Variants in DNAJC8 observed in about 807,000 individuals in gnomAD.
DNAJC8 encodes DnaJ heat shock protein family (Hsp40) member C8.
Under a neutral mutation model 43.2 loss-of-function variants are expected in DNAJC8, and 24 were observed. That is an observed-to-expected ratio of 0.56 (90% CI 0.40 to 0.78). DNAJC8 has a LOEUF of 0.78. DNAJC8 is among the 30% of genes least tolerant of loss of function. DNAJC8 has a pLI of 0.00. For synonymous variants in DNAJC8, 83 were observed against 98.0 expected, an observed-to-expected ratio of 0.85 and a Z score of 0.90; for missense variants, 207 against 299.4, an observed-to-expected ratio of 0.69 and a Z score of 2.28.
chr1:28,217,264 T>C (rs1047636550), intron 2 of DNAJC8, among the ~76,000 whole-genome samples: 1 of 151,976 alleles, frequency 6.6e-6, no homozygotes, highest in African/African-American at 2.4e-5. Flanking sequence ...CTTGAGCAAC[T>C]AGGACTGTAA....
intron 2 of DNAJC8, among the ~76,000 whole-genome samples, chr1:28,218,552 G>A (rs1367654732): frequency 2.0e-5 from 3 of 151,900 alleles, no homozygotes; most frequent in Admixed American, 6.6e-5. Context: ...GAGCAACTAG[G>A]ACTGTAAGTG....
At position 28,205,667 on chromosome 1, in the gene DNAJC8, C is replaced by T. The variant is rs557058006; in HGVS notation, c.472-318G>A. On this transcript the variant is annotated intron_variant, in intron 6 of 8. Coordinates refer to ENST00000263697, the MANE Select transcript of DNAJC8 (RefSeq NM_014280.3). The stretch of plus-strand genomic sequence containing the variant: ...CTTTGGAAGGCCAAGGTGGGCAGAT[C>T]ACCTGAGGCCAGGAGTTCAAGACCA... 1.3e-3 allele frequency among the ~76,000 whole-genome samples: 196 copies of T among 152,336 alleles called. 1 individual carries two copies. Among genetic ancestry groups the T allele is most frequent in the African/African-American group, 4.7e-3 (194 of 41,568 alleles).
At position 28,201,364 on chromosome 1, in the gene DNAJC8, G is replaced by C; in HGVS notation, c.646C>G (p.Arg216Gly). 6.2e-7 allele frequency: 1 copy of C among 1,613,866 alleles called. No individual in the cohort carries two copies. Among genetic ancestry groups the C allele is most frequent in the Non-Finnish European group, 8.5e-7 (1 of 1,180,014 alleles). Residue 216 changes from arginine (R) to glycine (G), a missense_variant, in exon 9 of 9, where the codon CGA becomes GGA. Coordinates refer to ENST00000263697, the MANE Select transcript of DNAJC8 (RefSeq NM_014280.3). ...CGCCAGCTGTCCACACGACCATCTC[G>C]ACTTTCCTAAGTACAAAAGAAGTTT... is the stretch of plus-strand genomic sequence containing the variant. Reference protein sequence around the residue: ...REWQKNFEESRDGRVDSWRNF... With the variant: ...REWQKNFEESGDGRVDSWRNF...
intron 1 of DNAJC8, among the ~76,000 whole-genome samples, chr1:28,230,986 T>C (rs1646969867): frequency 6.6e-6 from 1 of 152,238 alleles, no homozygotes; most frequent in African/African-American, 2.4e-5. Flanking sequence ...TTCTGCCTTG[T>C]TTAACCCTGA....
chr1:28,207,744 A>AGTTTTTT (rs200076707), intron 6 of DNAJC8, among the ~76,000 whole-genome samples: 9,057 of 151,478 alleles, frequency 0.06, 300 homozygotes, highest in Middle Eastern at 0.092. Context: ...GCCCAGCCAA[A>AGTTTTTT]TAAAATGTTT....
chr1:28,208,484 ACAATATATTTAACTT>A, intron 5 of DNAJC8, 71 bp from the exon 6 acceptor site: 1 of 1,092,580 alleles, frequency 9.2e-7, no homozygotes, highest in Middle Eastern at 2.2e-4. Flanking sequence ...CTGTACACAT[ACAATATATTTAACTT>A]TCTATAGGCA....
At chr1:28,222,485 CAAA>C (rs35878807) in intron 2 of DNAJC8, among the ~76,000 whole-genome samples, 1 of 44,688 alleles carries the variant, frequency 2.2e-5, no homozygotes. Flanking sequence ...GACTCCATCT[CAAA>C]AAAAAAAAAA....
At chr1:28,202,337 T>G (rs979401445) in intron 8 of DNAJC8, among the ~76,000 whole-genome samples, 4 of 152,096 alleles carry the variant, frequency 2.6e-5, no homozygotes, top group Admixed American at 6.6e-5. Context: ...TGGAGTGCAG[T>G]GGTGCGATCT....
chr1:28,228,975 T>C lies in DNAJC8; in HGVS notation c.127A>G (p.Ile43Val), dbSNP rs766926089. 33 of 1,613,800 alleles carry C rather than the reference T, an allele frequency of 2.0e-5. No individual in the cohort carries two copies. The highest frequency in any genetic ancestry group is 2.8e-5 in the Non-Finnish European group (33 of 1,180,002). ...RDSVLTSKNQ[I>V]ERLTRPGSSY... is the part of the protein sequence containing the mutation. ...GAACCAGGACGGGTCAGTCTTTCAATCTGATTTTTCGAAGTTAGAACCGAG... is the reference window on the plus strand; with the variant it reads ...GAACCAGGACGGGTCAGTCTTTCAACCTGATTTTTCGAAGTTAGAACCGAG... The change falls in exon 2 of 9, where the codon ATT (isoleucine) becomes GTT (valine). Residue 43 changes from isoleucine (I) to valine (V), a missense_variant. By Grantham distance (29) the Ile-to-Val change is conservative (BLOSUM62 3). Coordinates refer to ENST00000263697, the MANE Select transcript of DNAJC8 (RefSeq NM_014280.3).
intron 3 of DNAJC8, 59 bp downstream of exon 3, chr1:28,214,881 A>G: frequency 6.8e-7 from 1 of 1,463,984 alleles, no homozygotes; most frequent in Admixed American, 2.0e-5. Context: ...AGCAAGTGAT[A>G]AAAGAATCAT....
At chr1:28,231,831 G>T (rs1399460739) in intron 1 of DNAJC8, among the ~76,000 whole-genome samples, 2 of 151,586 alleles carry the variant, frequency 1.3e-5, no homozygotes, top group Admixed American at 1.3e-4. Context: ...GCAGTGGCGC[G>T]ATCTCTGCTC....
rs184849099 is a variant in DNAJC8, at chr1:28,211,899, T to C, written c.238-1262A>G. Among the ~76,000 whole-genome samples, 395 of 152,026 alleles carry C rather than the reference T, an allele frequency of 2.6e-3. 1 individual carries two copies. Among genetic ancestry groups the C allele is most frequent in the African/African-American group, 9.0e-3 (372 of 41,520 alleles). ...TGCCAGGAGCAGTGGCTCCCGCCTG[T>C]AATCCCAGCACTTTGGAAGGCTGAG... On this transcript the variant is annotated intron_variant, in intron 3 of 8. Transcript: ENST00000263697.
intron 1 of DNAJC8, among the ~76,000 whole-genome samples, 184 bp downstream of exon 1, chr1:28,232,737 C>G (rs1646988966): frequency 6.6e-6 from 1 of 152,142 alleles, no homozygotes; most frequent in South Asian, 2.1e-4. Flanking sequence ...TTTCGTTGCC[C>G]CGGGGGATCT....
At chr1:28,210,154 C>A in intron 4 of DNAJC8, 88 bp from the exon 5 acceptor site, 1 of 1,087,408 alleles carries the variant, frequency 9.2e-7, no homozygotes, top group Non-Finnish European at 1.4e-6. Context: ...GACTTGTGCT[C>A]TCTAAAGCAT....
intron 7 of DNAJC8, among the ~76,000 whole-genome samples, chr1:28,204,188 T>C (rs1416181880): frequency 6.6e-6 from 1 of 152,202 alleles, no homozygotes; most frequent in Non-Finnish European, 1.5e-5. Context: ...TTAAGATCTC[T>C]GGACAAAACC....
intron 1 of DNAJC8, among the ~76,000 whole-genome samples, chr1:28,230,632 TTTTG>T (rs1266187419): frequency 7.2e-5 from 11 of 152,168 alleles, no homozygotes; most frequent in Admixed American, 5.9e-4. Flanking sequence ...CCATTTGGTT[TTTTG>T]TTTGTTTTTG....
chr1:28,218,804 G>A lies in DNAJC8; in HGVS notation c.181-3808C>T, dbSNP rs867534682. Reference sequence around the variant, plus strand: ...AAAATGAGAATTTTCATGTCAGTGTGCCCCACTCTCATAACTTCCCAAGGA... The same window carrying A: ...AAAATGAGAATTTTCATGTCAGTGTACCCCACTCTCATAACTTCCCAAGGA... On this transcript the variant is annotated intron_variant, in intron 2 of 8. Coordinates refer to ENST00000263697, the MANE Select transcript of DNAJC8 (RefSeq NM_014280.3). Among the ~76,000 whole-genome samples, 4 of 152,182 alleles carry A rather than the reference G, an allele frequency of 2.6e-5. No homozygotes were observed. In the South Asian group the frequency reaches 6.2e-4, roughly 24 times the overall value.
chr1:28,214,973 A>C lies in DNAJC8; in HGVS notation c.204T>G (p.Val68=). Residue 68 remains valine, a synonymous_variant, in exon 3 of 9, where the codon GTT becomes GTG. Coordinates refer to ENST00000263697, the MANE Select transcript of DNAJC8 (RefSeq NM_014280.3). Reference sequence around the variant, plus strand: ...ACCTCTTTTTTATTTCTTCATCTGTAACTTCAGGATCTATCTGAAGAACCT... The same window carrying C: ...ACCTCTTTTTTATTTCTTCATCTGTCACTTCAGGATCTATCTGAAGAACCT... ...PFEVLQIDPE[V]TDEEIKKRFR... 1 of 1,609,254 alleles carries C rather than the reference A, an allele frequency of 6.2e-7. No individual in the cohort carries two copies.
At position 28,210,224 on chromosome 1, in the gene DNAJC8, A is replaced by C. The variant is rs564650603; in HGVS notation, c.305-158T>G. The C allele has an allele frequency of 6.4e-4, 423 of 657,850 alleles. 7 individuals are homozygous for C. In the South Asian group the frequency reaches 8.0e-3, roughly 13 times the overall value. The allele number at this position is 657,850 out of a possible 1,614,324, so 40.8% of individuals were successfully genotyped here. On this transcript the variant is annotated intron_variant, in intron 4 of 8. Coordinates refer to ENST00000263697, the MANE Select transcript of DNAJC8 (RefSeq NM_014280.3). ...GTTAAAAAAAACATTCAACTATAGC[A>C]ATGACTTTCCTTAAGAGCCTTGGAA...
Sources: gnomAD v4.1 joint callset for allele counts (sites outside exome capture counted in the v4.1 genomes callset) on GRCh38, gnomAD v4.1.1 for gene constraint, MANE v1.5 for transcripts, NCBI Gene and HGNC (gene_info 2026-07-23, HGNC 2026-07-21) for gene names.